Variants in SMARCD2 observed in about 807,000 individuals in gnomAD.
SMARCD2 encodes SWI/SNF related BAF chromatin remodeling complex subunit D2.
In SMARCD2, 39 loss-of-function variants were observed where a neutral mutation model predicts 70.4. The observed-to-expected ratio is 0.55, with a 90% CI of 0.43 to 0.72. The LOEUF (loss-of-function observed/expected upper bound fraction) is 0.72. Ranked by LOEUF, SMARCD2 falls within the 30% of genes least tolerant of loss-of-function variation. SMARCD2 has a pLI of 0.00. For missense variants in SMARCD2, 540 were observed against 713.4 expected (o/e 0.76, Z 2.77); for synonymous variants, 249 against 279.4 (o/e 0.89, Z 1.08).
Position 63,839,082 on chromosome 17 carries a change from A to G in SMARCD2, c.217-1457T>C, listed in dbSNP as rs189013966. ...CTGCCAAAGTCTCTCTGCATCAGGA[A>G]GAGATTAATCAGAGCTGTTGAAAGG... is the stretch of plus-strand genomic sequence containing the variant. On this transcript the variant is annotated intron_variant, in intron 1 of 12. Transcript: ENST00000448276. 44 of 985,368 alleles carry G rather than the reference A, an allele frequency of 4.5e-5. No homozygotes were observed. The African/African-American group carries it at 7.3e-4, about 16-fold the overall frequency. The allele number at this position is 985,368 out of a possible 1,614,324, so 61.0% of individuals were successfully genotyped here.
Position 63,837,165 on chromosome 17 carries a change from A to G in SMARCD2, c.444+30T>C, listed in dbSNP as rs371015875. On this transcript the variant is annotated intron_variant, in intron 3 of 12. Coordinates refer to ENST00000448276, the MANE Select transcript of SMARCD2 (RefSeq NM_001098426.2). This position sits in a 1 kb window ranked among gnomAD's most constrained non-coding sequence, Gnocchi z 6.4. Reference sequence around the variant, plus strand: ...ACCCACCCCAAGGTGGCCACTGGGCAGGCCTCCCAGGTGTCCTCTTAACAC... The same window carrying G: ...ACCCACCCCAAGGTGGCCACTGGGCGGGCCTCCCAGGTGTCCTCTTAACAC... The G allele has an allele frequency of 1.2e-4, 195 of 1,612,384 alleles. No individual in the cohort carries two copies. Among genetic ancestry groups the G allele is most frequent in the Non-Finnish European group, 1.6e-4 (184 of 1,178,754 alleles).
Position 63,832,720 on chromosome 17 carries a change from G to A in SMARCD2, c.*218C>T. The stretch of plus-strand genomic sequence containing the variant: ...GCCTGCCTGCAGGGGGGCAGAGGAG[G>A]CATCTGCTGAACCCAATTAAAGCCA... On this transcript the variant is annotated 3_prime_UTR_variant, in exon 13 of 13. Transcript: ENST00000448276. 3 of 590,286 alleles carry A rather than the reference G, an allele frequency of 5.1e-6. No homozygotes were observed. Among genetic ancestry groups the A allele is most frequent in the Admixed American group, 2.9e-5 (1 of 34,290 alleles). 36.6% of individuals were successfully genotyped at this position (590,286 alleles called of 1,614,324 possible).
At position 63,833,449 on chromosome 17, in the gene SMARCD2, C is replaced by A. The variant is rs746692301; in HGVS notation, c.1318-29G>T. 1.9e-6 allele frequency: 3 copies of A among 1,612,178 alleles called. No individual in the cohort carries two copies. The highest frequency in any genetic ancestry group is 1.7e-5 in the Admixed American group (1 of 59,908). On this transcript the variant is annotated intron_variant, in intron 10 of 12. Coordinates refer to ENST00000448276, the MANE Select transcript of SMARCD2 (RefSeq NM_001098426.2). The surrounding 1 kb of genome is among the most constrained non-coding windows in gnomAD (Gnocchi z 4.3). Reference sequence around the variant, plus strand: ...GAGAGGGTACCTGTGTCAGACTGTGCCCCCAAAGCTTACATGCAAGCAACT... The same window carrying A: ...GAGAGGGTACCTGTGTCAGACTGTGACCCCAAAGCTTACATGCAAGCAACT...
At position 63,833,064 on chromosome 17, in the gene SMARCD2, C is replaced by G. The variant is rs1423937475; in HGVS notation, c.1542+5G>C. On this transcript the variant is annotated splice_donor_5th_base_variant and intron_variant, in intron 12 of 12. Transcript: ENST00000448276. The surrounding 1 kb of genome is among the most constrained non-coding windows in gnomAD (Gnocchi z 4.3). Reference sequence around the variant, plus strand: ...CAAAGGAGGGAAAACAGGGCAGAGCCTCACCTTGGCAAAGATGTGCCTGCC... The same window carrying G: ...CAAAGGAGGGAAAACAGGGCAGAGCGTCACCTTGGCAAAGATGTGCCTGCC... 6.3e-7 allele frequency: 1 copy of G among 1,592,502 alleles called. No homozygotes were observed. Among genetic ancestry groups the G allele is most frequent in the Admixed American group, 1.8e-5 (1 of 56,724 alleles).
intron 1 of SMARCD2, chr17:63,842,246 C>T (rs1045947194): frequency 1.2e-6 from 1 of 850,904 alleles, no homozygotes; most frequent in African/African-American, 1.8e-5. Flanking sequence ...CCAGGCCTCC[C>T]AGCTGCTTCC....
intron 1 of SMARCD2, among the ~76,000 whole-genome samples, chr17:63,842,000 A>G (rs183334671): frequency 6.6e-6 from 1 of 152,306 alleles, no homozygotes; most frequent in African/African-American, 2.4e-5. Context: ...GCCGGGAGCC[A>G]TCTCAGACAC....
In SMARCD2 at chr17:63,833,273, G is replaced by A; in HGVS notation, c.1440+25C>T. On this transcript the variant is annotated intron_variant, in intron 11 of 12. Transcript: ENST00000448276. The surrounding 1 kb of genome is among the most constrained non-coding windows in gnomAD (Gnocchi z 4.3). ...AAATCACCCAGAGCTTTACATAGGA[G>A]TCCCCTCGGGAAAGAGGACTACACC... 1.2e-6 allele frequency: 2 copies of A among 1,613,910 alleles called. No individual in the cohort carries two copies. Among genetic ancestry groups the A allele is most frequent in the South Asian group, 2.2e-5 (2 of 91,082 alleles).
Position 63,837,830 on chromosome 17 carries a change from C to T in SMARCD2, c.217-205G>A, listed in dbSNP as rs2040285810. On this transcript the variant is annotated intron_variant, in intron 1 of 12. Transcript: ENST00000448276. This position sits in a 1 kb window ranked among gnomAD's most constrained non-coding sequence, Gnocchi z 6.4. ...GCCCTGCCCCCTGCAACCGCCCTGGCAGCCATGCCAGCGAATGAGGCCTGC... is the reference window on the plus strand; with the variant it reads ...GCCCTGCCCCCTGCAACCGCCCTGGTAGCCATGCCAGCGAATGAGGCCTGC... Among the ~76,000 whole-genome samples the T allele has an allele frequency of 6.6e-6, 1 of 152,178 alleles. No homozygotes were observed.
At chr17:63,842,400 C>A in intron 1 of SMARCD2, 59 bp downstream of exon 1, 1 of 1,289,366 alleles carries the variant, frequency 7.8e-7, no homozygotes, top group Non-Finnish European at 9.8e-7. Context: ...CTTCAGCCGC[C>A]GGCCCGGGCG....
At chr17:63,841,562 G>C (rs1904463764) in intron 1 of SMARCD2, among the ~76,000 whole-genome samples, 1 of 152,340 alleles carries the variant, frequency 6.6e-6, no homozygotes, top group South Asian at 2.1e-4. Flanking sequence ...GCAGACTAGA[G>C]CACTGGCAGG....
At chr17:63,839,866 C>G (rs976856729) in intron 1 of SMARCD2, among the ~76,000 whole-genome samples, 1 of 152,172 alleles carries the variant, frequency 6.6e-6, no homozygotes, top group Non-Finnish European at 1.5e-5. Flanking sequence ...CAGTGGCTCA[C>G]GCCTATAATC....
At position 63,834,276 on chromosome 17, in the gene SMARCD2, G is replaced by A. The variant is rs1450725057; in HGVS notation, c.974C>T (p.Thr325Met). 1.9e-6 allele frequency: 3 copies of A among 1,611,840 alleles called. No homozygotes were observed. The highest frequency in any genetic ancestry group is 2.5e-6 in the Non-Finnish European group (3 of 1,179,070). Residue 325 changes from threonine (T) to methionine (M), a missense_variant, in exon 8 of 13, where the codon ACG becomes ATG. Thr to Met is a moderately conservative substitution (Grantham distance 81). Coordinates refer to ENST00000448276, the MANE Select transcript of SMARCD2 (RefSeq NM_001098426.2). The surrounding 1 kb of genome is among the most constrained non-coding windows in gnomAD (Gnocchi z 5.6). The stretch of plus-strand genomic sequence containing the variant: ...CTGCATGATGGCGGCCCTCGTCTGC[G>A]TGTGCACTCCCAGCAGCCTTGCCAA... ...PRLARLLGVHTQTRAAIMQAL... is the reference protein window; with the variant it reads ...PRLARLLGVHMQTRAAIMQAL...
chr17:63,833,152 C>T lies in SMARCD2; in HGVS notation c.1459G>A (p.Gly487Arg). The T allele has an allele frequency of 1.2e-6, 2 of 1,608,194 alleles. No individual in the cohort carries two copies. Among genetic ancestry groups the T allele is most frequent in the South Asian group, 2.2e-5 (2 of 90,064 alleles). The change falls in exon 12 of 13, where the codon GGA (glycine) becomes AGA (arginine). Residue 487 changes from glycine (G) to arginine (R), a missense_variant. Physicochemically the swap from Gly to Arg is moderately radical, Grantham distance 125 (BLOSUM62 -2). Coordinates refer to ENST00000448276, the MANE Select transcript of SMARCD2 (RefSeq NM_001098426.2). This position sits in a 1 kb window ranked among gnomAD's most constrained non-coding sequence, Gnocchi z 4.3. Reference sequence around the variant, plus strand: ...GCTCGTCTCTCCTCCTCAGGATTTCCAATCACATCAGTGATGATCTGCAAA... The same window carrying T: ...GCTCGTCTCTCCTCCTCAGGATTTCTAATCACATCAGTGATGATCTGCAAA... ...RDLKIITDVI[G>R]NPEEERRAAF...
rs777495215 is a variant in SMARCD2, at chr17:63,837,423, G to T, written c.401+18C>A. 1 of 1,570,962 alleles carries T rather than the reference G, an allele frequency of 6.4e-7. No individual in the cohort carries two copies. On this transcript the variant is annotated intron_variant, in intron 2 of 12. Transcript: ENST00000448276. The surrounding 1 kb of genome is among the most constrained non-coding windows in gnomAD (Gnocchi z 6.4). Reference sequence around the variant, plus strand: ...CAGAGCTGAGTTAGGCAGAGTGAGAGAAGCAGGATGCTCTTACCCCCGGCG... The same window carrying T: ...CAGAGCTGAGTTAGGCAGAGTGAGATAAGCAGGATGCTCTTACCCCCGGCG...
intron 1 of SMARCD2, among the ~76,000 whole-genome samples, chr17:63,841,881 T>C (rs1219440870): frequency 2.0e-5 from 3 of 152,198 alleles, no homozygotes; most frequent in Non-Finnish European, 4.4e-5. Context: ...CGAAGGCGCC[T>C]GGCCCTGCCT....
At chr17:63,840,086 G>A (rs61338589) in intron 1 of SMARCD2, among the ~76,000 whole-genome samples, 2,554 of 151,924 alleles carry the variant, frequency 0.017, 71 homozygotes, top group African/African-American at 0.058. Flanking sequence ...CTGAGATCAT[G>A]TCACTGCACT....
At chr17:63,838,885 C>A (rs939747407) in intron 1 of SMARCD2, 1 of 985,326 alleles carries the variant, frequency 1.0e-6, no homozygotes, top group Admixed American at 6.1e-5. Context: ...ACCTCTTCAT[C>A]CCGCACTAAA....
At position 63,833,180 on chromosome 17, in the gene SMARCD2, G is replaced by C. The variant is rs766654246; in HGVS notation, c.1441-10C>G. 1 of 1,608,250 alleles carries C rather than the reference G, an allele frequency of 6.2e-7. No homozygotes were observed. The highest frequency in any genetic ancestry group is 8.5e-7 in the Non-Finnish European group (1 of 1,176,940). The stretch of plus-strand genomic sequence containing the variant: ...TCACATCAGTGATGATCTGCAAAGA[G>C]CCAGGAGGAAAGCCATAGCATAATC... On this transcript the variant is annotated splice_polypyrimidine_tract_variant and intron_variant, in intron 11 of 12. Coordinates refer to ENST00000448276, the MANE Select transcript of SMARCD2 (RefSeq NM_001098426.2). This position sits in a 1 kb window ranked among gnomAD's most constrained non-coding sequence, Gnocchi z 4.3.
intron 4 of SMARCD2, 154 bp downstream of exon 4, chr17:63,836,768 C>T (rs893700909): frequency 2.7e-5 from 18 of 674,136 alleles, no homozygotes; most frequent in African/African-American, 5.4e-5. Context: ...ACATACTGGC[C>T]CCAACACATT....
Sources: allele counts gnomAD v4.1 joint callset (sites outside exome capture counted in the v4.1 genomes callset), GRCh38; gene constraint gnomAD v4.1.1; non-coding constraint Gnocchi (gnomAD v3.1); transcripts MANE v1.5; gene names NCBI Gene and HGNC (gene_info 2026-07-23, HGNC 2026-07-21).